Variants in PRKCE observed in about 807,000 individuals in gnomAD.
PRKCE encodes the protein protein kinase C epsilon.
Under a neutral mutation model 85.4 loss-of-function variants are expected in PRKCE, and 16 were observed. The observed-to-expected ratio is 0.19, with a 90% confidence interval of 0.13 to 0.28. The LOEUF (loss-of-function observed/expected upper bound fraction) is 0.28, where lower values mean the gene tolerates loss of function less well. PRKCE is among the 10% of genes least tolerant of loss of function. PRKCE has a pLI of 1.00. For missense variants in PRKCE, 573 were observed against 975.2 expected, an observed-to-expected ratio of 0.59 and a Z score of 5.49; for synonymous variants, 388 against 371.5, an observed-to-expected ratio of 1.04 and a Z score of -0.51.
At position 45,980,289 on chromosome 2, in the gene PRKCE, T is replaced by C. The variant is rs1357677330; in HGVS notation, c.608-7T>C. On this transcript the variant is annotated splice_polypyrimidine_tract_variant and splice_region_variant and intron_variant, in intron 4 of 14. Coordinates refer to ENST00000306156, the MANE Select transcript of PRKCE (RefSeq NM_005400.3). ...TCATTCAGCCTTCCTGTCTTTGCTA[T>C]TTGCAGTCTGCACCTGCGTGGTCCA... is the stretch of plus-strand genomic sequence containing the variant. 5 of 1,599,456 alleles carry C rather than the reference T, an allele frequency of 3.1e-6. No homozygotes were observed. The highest frequency in any genetic ancestry group is 1.7e-5 in the Admixed American group (1 of 60,002).
chr2:45,780,718 C>T (rs908471693), intron 1 of PRKCE, among the ~76,000 whole-genome samples: 37 of 152,244 alleles, frequency 2.4e-4, no homozygotes, highest in Admixed American at 2.3e-3. Flanking sequence ...CCCAATCCCA[C>T]CATCTGGTCA....
At chr2:45,886,242 T>C (rs1246751229) in intron 2 of PRKCE, among the ~76,000 whole-genome samples, 1 of 152,168 alleles carries the variant, frequency 6.6e-6, no homozygotes, top group Non-Finnish European at 1.5e-5. Flanking sequence ...TCCAGGTGAC[T>C]CTCATTTCCT....
intron 2 of PRKCE, among the ~76,000 whole-genome samples, chr2:45,945,280 G>C (rs772837492): frequency 6.6e-6 from 1 of 152,168 alleles, no homozygotes; most frequent in Non-Finnish European, 1.5e-5. Context: ...CATCTGCTTG[G>C]CTTCTGGTGA....
In PRKCE at chr2:46,137,034, T is replaced by C. The variant is rs1333251628; in HGVS notation, c.1593-8059T>C. ...GTGACTTGCACTGGCAGGGAATGTG[T>C]ATTTTAAGAAATGAGTGTTAGAGAC... On this transcript the variant is annotated intron_variant, in intron 11 of 14. Coordinates refer to ENST00000306156, the MANE Select transcript of PRKCE (RefSeq NM_005400.3). 2.0e-5 allele frequency among the ~76,000 whole-genome samples: 3 copies of C among 152,226 alleles called. No individual in the cohort carries two copies. In the East Asian group the frequency reaches 5.8e-4, roughly 29 times the overall value.
intron 1 of PRKCE, among the ~76,000 whole-genome samples, chr2:45,759,328 C>T (rs1286292597): frequency 1.3e-5 from 2 of 152,198 alleles, no homozygotes; most frequent in Non-Finnish European, 2.9e-5. Flanking sequence ...GCACATTAGG[C>T]TGACGGGGCC....
intron 2 of PRKCE, among the ~76,000 whole-genome samples, chr2:45,867,212 C>T (rs1693684808): frequency 6.6e-6 from 1 of 152,194 alleles, no homozygotes; most frequent in Non-Finnish European, 1.5e-5. Context: ...AAGTGTCAAG[C>T]ACCAAATGCA....
At chr2:45,778,977 G>C (rs1558661783) in intron 1 of PRKCE, among the ~76,000 whole-genome samples, 1 of 152,224 alleles carries the variant, frequency 6.6e-6, no homozygotes, top group East Asian at 1.9e-4. Flanking sequence ...CAGAGAAGCT[G>C]TTTTGTGTAC....
At chr2:45,719,736 C>G (rs1044507769) in intron 1 of PRKCE, among the ~76,000 whole-genome samples, 1 of 152,092 alleles carries the variant, frequency 6.6e-6, no homozygotes, top group Non-Finnish European at 1.5e-5. Flanking sequence ...CAAACAAAAT[C>G]ATAACCCTCC....
chr2:46,102,346 G>T (rs1671322824), intron 11 of PRKCE, among the ~76,000 whole-genome samples: 1 of 152,110 alleles, frequency 6.6e-6, no homozygotes, highest in Non-Finnish European at 1.5e-5. Context: ...TAATGTCAAA[G>T]TTCAATAAAT....
At chr2:46,157,741 T>A (rs1434091009) in intron 13 of PRKCE, among the ~76,000 whole-genome samples, 2 of 152,180 alleles carry the variant, frequency 1.3e-5, no homozygotes, top group Non-Finnish European at 2.9e-5. Flanking sequence ...ACCCTGATAC[T>A]TCCCCTCCCA....
chr2:45,879,459 C>A (rs1008510711), intron 2 of PRKCE, among the ~76,000 whole-genome samples: 1 of 152,210 alleles, frequency 6.6e-6, no homozygotes, highest in African/African-American at 2.4e-5. Flanking sequence ...ACCGTCTCCC[C>A]TTGCAAAAAG....
intron 11 of PRKCE, among the ~76,000 whole-genome samples, chr2:46,115,843 C>A (rs946873136): frequency 6.6e-6 from 1 of 152,158 alleles, no homozygotes; most frequent in African/African-American, 2.4e-5. Context: ...GAGAGTGACC[C>A]CACCCTTTGC....
intron 1 of PRKCE, among the ~76,000 whole-genome samples, chr2:45,759,094 A>G (rs1411852495): frequency 3.3e-5 from 5 of 152,000 alleles, no homozygotes; most frequent in Non-Finnish European, 7.4e-5. Context: ...TGACTTTCCA[A>G]ACTCTCCCCT....
rs1026797958 is a variant in PRKCE, at chr2:45,786,215, C to T, written c.349-56785C>T. Among the ~76,000 whole-genome samples the T allele has an allele frequency of 4.6e-5, 7 of 152,184 alleles. No individual in the cohort carries two copies. The highest frequency in any genetic ancestry group is 1.7e-4 in the African/African-American group (7 of 41,450). On this transcript the variant is annotated intron_variant, in intron 1 of 14. Coordinates refer to ENST00000306156, the MANE Select transcript of PRKCE (RefSeq NM_005400.3). This position sits in a 1 kb window ranked among gnomAD's most constrained non-coding sequence, Gnocchi z 5.3. Reference sequence around the variant, plus strand: ...ATCCCCCGTGCTGCTTCTTGCTCTCCGGTTTCCAGGGAGTGCTGGGCTTTC... The same window carrying T: ...ATCCCCCGTGCTGCTTCTTGCTCTCTGGTTTCCAGGGAGTGCTGGGCTTTC...
intron 1 of PRKCE, among the ~76,000 whole-genome samples, chr2:45,661,579 AGTGCAATG>A (rs1215372349): frequency 8.2e-6 from 1 of 121,990 alleles, no homozygotes; most frequent in Non-Finnish European, 1.6e-5. Flanking sequence ...CCCAGGCTGG[AGTGCAATG>A]GTGCCATCTT....
At chr2:45,925,269 C>T (rs1698525915) in intron 2 of PRKCE, among the ~76,000 whole-genome samples, 1 of 151,930 alleles carries the variant, frequency 6.6e-6, no homozygotes, top group African/African-American at 2.4e-5. Flanking sequence ...ACTCATTTCC[C>T]CTTTTCTCTC....
At chr2:45,919,819 A>G (rs1429037912) in intron 2 of PRKCE, among the ~76,000 whole-genome samples, 1 of 152,250 alleles carries the variant, frequency 6.6e-6, no homozygotes, top group Non-Finnish European at 1.5e-5. Context: ...AGCAGAAGGA[A>G]ATAAACATCA....
Position 46,145,870 on chromosome 2 carries a change from TA to T in PRKCE, c.1731+649del, listed in dbSNP as rs111624617. Among the ~76,000 whole-genome samples the T allele has an allele frequency of 7.6e-5, 11 of 145,080 alleles. No homozygotes were observed. Among genetic ancestry groups the T allele is most frequent in the East Asian group, 6.0e-4 (3 of 5,000 alleles). ...GTGACAGAGCAAGACCCTGTCTCAATAAAAAAAAAAGTAAAAAATAAAATCA... is the reference window on the plus strand; with the variant it reads ...GTGACAGAGCAAGACCCTGTCTCAATAAAAAAAAAGTAAAAAATAAAATCA... On this transcript the variant is annotated intron_variant, in intron 12 of 14. Transcript: ENST00000306156. The surrounding 1 kb of genome is among the most constrained non-coding windows in gnomAD (Gnocchi z 4.6).
rs373346433 is a variant in PRKCE at position 45,828,955 on chromosome 2, A to T, written c.349-14045A>T. Among the ~76,000 whole-genome samples the T allele has an allele frequency of 1.0e-3, 157 of 152,290 alleles. 7 individuals carry two copies. The South Asian group carries it at 0.032, about 31-fold the overall frequency. On this transcript the variant is annotated intron_variant, in intron 1 of 14. Coordinates refer to ENST00000306156, the MANE Select transcript of PRKCE (RefSeq NM_005400.3). ...TGGATCATAGAATATATGTTCCTTT[A>T]TAATCTCATTTTCTCCCATTGAATA...
Sources: allele counts gnomAD v4.1 joint callset (sites outside exome capture counted in the v4.1 genomes callset), GRCh38; gene constraint gnomAD v4.1.1; non-coding constraint Gnocchi (gnomAD v3.1); transcripts MANE v1.5; gene names NCBI Gene and HGNC (gene_info 2026-07-23, HGNC 2026-07-21).